CNIH3: variants seen among roughly 807,000 people sequenced by gnomAD.
CNIH3 encodes cornichon family AMPA receptor auxiliary protein 3.
In CNIH3, 14 loss-of-function variants were observed where a neutral mutation model predicts 24.1. The ratio of observed to expected loss-of-function variants is 0.58; its 90% confidence interval spans 0.38 to 0.91. CNIH3 has a LOEUF of 0.91. Ranked by LOEUF, CNIH3 falls within the 40% of genes least tolerant of loss-of-function variation. CNIH3 has a pLI of 0.00. For missense variants in CNIH3, 178 were observed against 196.8 expected (o/e 0.90, Z 0.57); for synonymous variants, 68 against 73.8 (o/e 0.92, Z 0.40).
At chr1:224,687,255 T>C (rs568639884) in intron 3 of CNIH3, among the ~76,000 whole-genome samples, 18 of 152,314 alleles carry the variant, frequency 1.2e-4, no homozygotes, top group African/African-American at 4.3e-4. Context: ...TTATTTGAGA[T>C]AGGGTCTTCT....
chr1:224,468,307 A>G (rs1676230466), intron 1 of CNIH3, among the ~76,000 whole-genome samples: 1 of 84,380 alleles, frequency 1.2e-5, no homozygotes, highest in Non-Finnish European at 2.6e-5. Context: ...TTTCTAAGTC[A>G]TAAACACAGT....
downstream of CNIH3, among the ~76,000 whole-genome samples, chr1:224,592,655 T>A (rs1482366139): frequency 6.6e-6 from 1 of 152,212 alleles, no homozygotes; most frequent in African/African-American, 2.4e-5. Flanking sequence ...AGAGTTATCA[T>A]GCCCAGCCCT....
intron 1 of CNIH3, among the ~76,000 whole-genome samples, chr1:224,455,487 TC>T (rs1210699390): frequency 6.6e-6 from 1 of 152,172 alleles, no homozygotes; most frequent in African/African-American, 2.4e-5. Context: ...TTTGGAATGT[TC>T]TTTGACTTAC....
At chr1:224,572,219 A>G (rs757940819) in intron 4 of CNIH3, among the ~76,000 whole-genome samples, 4 of 152,144 alleles carry the variant, frequency 2.6e-5, no homozygotes, top group African/African-American at 2.4e-5. Flanking sequence ...GCAACATAGA[A>G]TTATAAGAAT....
chr1:224,712,104 C>T (rs773660808), intron 3 of CNIH3, among the ~76,000 whole-genome samples: 2 of 152,174 alleles, frequency 1.3e-5, no homozygotes, highest in South Asian at 2.1e-4. Context: ...CATATCTTCC[C>T]TGGATGATAA....
intron 1 of CNIH3, among the ~76,000 whole-genome samples, chr1:224,677,333 A>C (rs1686187375): frequency 6.6e-6 from 1 of 152,184 alleles, no homozygotes; most frequent in Admixed American, 6.5e-5. Context: ...CTTCCCCTCT[A>C]GACTAGGAAG....
intron 3 of CNIH3, among the ~76,000 whole-genome samples, chr1:224,598,707 A>G (rs552278681): frequency 6.6e-6 from 1 of 152,376 alleles, no homozygotes; most frequent in African/African-American, 2.4e-5. Context: ...CAGCAAAAAG[A>G]TTAAGACTTG....
intron 1 of CNIH3, among the ~76,000 whole-genome samples, chr1:224,471,841 C>T (rs1471611496): frequency 3.3e-5 from 5 of 152,106 alleles, no homozygotes; most frequent in East Asian, 1.9e-4. Context: ...CCACCGGCCT[C>T]GGCCTCCCAA....
intron 4 of CNIH3, among the ~76,000 whole-genome samples, chr1:224,578,107 T>G (rs1241728693): frequency 6.6e-6 from 1 of 151,938 alleles, no homozygotes. Flanking sequence ...ATCTCAGAAA[T>G]CACTACTAAA....
At chr1:224,515,855 C>T (rs771788050), upstream of CNIH3, 2 of 152,174 alleles carry the variant, frequency 1.3e-5, no homozygotes, top group Non-Finnish European at 2.9e-5. Flanking sequence ...CTTGTGGTCA[C>T]TGATGAGTGG....
chr1:224,445,288 C>A (rs2102953097), intron 1 of CNIH3, among the ~76,000 whole-genome samples: 1 of 151,734 alleles, frequency 6.6e-6, no homozygotes, highest in Admixed American at 6.6e-5. Flanking sequence ...GATTGTGTTG[C>A]CTTTTGGCCG....
intron 1 of CNIH3, among the ~76,000 whole-genome samples, chr1:224,680,129 G>A (rs1028070402): frequency 2.0e-5 from 3 of 152,060 alleles, no homozygotes; most frequent in African/African-American, 7.2e-5. Flanking sequence ...ACTTTACTGG[G>A]AGCACCCAAG....
chr1:224,447,053 C>T (rs1157716473), intron 1 of CNIH3, among the ~76,000 whole-genome samples: 6 of 151,978 alleles, frequency 3.9e-5, no homozygotes, highest in African/African-American at 7.3e-5. Flanking sequence ...AGGGTTCTCC[C>T]GAGAGACAGA....
At chr1:224,538,211 A>C (rs1166317333), downstream of CNIH3, among the ~76,000 whole-genome samples, 1 of 152,128 alleles carries the variant, frequency 6.6e-6, no homozygotes, top group Non-Finnish European at 1.5e-5. Flanking sequence ...AGCCTCCCAA[A>C]GTGCTAGGAT....
chr1:224,716,964 G>T (rs529273148), intron 3 of CNIH3, among the ~76,000 whole-genome samples: 1 of 152,318 alleles, frequency 6.6e-6, no homozygotes, highest in South Asian at 2.1e-4. Flanking sequence ...GGGACATCAG[G>T]AGCTGCAGAG....
intron 1 of CNIH3, among the ~76,000 whole-genome samples, chr1:224,672,821 A>T (rs898139793): frequency 6.6e-6 from 1 of 152,174 alleles, no homozygotes; most frequent in African/African-American, 2.4e-5. Context: ...CCCTAATACA[A>T]ATAGGAGTAT....
intron 1 of CNIH3, among the ~76,000 whole-genome samples, chr1:224,446,367 C>A (rs1675166810): frequency 6.6e-6 from 1 of 152,046 alleles, no homozygotes; most frequent in Non-Finnish European, 1.5e-5. Flanking sequence ...GAACAGACAT[C>A]TTTATAACAT....
rs11437581 is a variant in CNIH3, at chr1:224,711,794, C to CAA, written c.199-18645_199-18644dup. Among the ~76,000 whole-genome samples, 402 of 65,470 alleles carry CAA rather than the reference C, an allele frequency of 6.1e-3. 13 individuals are homozygous for CAA. Among genetic ancestry groups the CAA allele is most frequent in the African/African-American group, 0.014 (234 of 16,186 alleles). 43.0% of individuals were successfully genotyped at this position (65,470 alleles called of 152,430 possible). On this transcript the variant is annotated intron_variant, in intron 3 of 5. Transcript: ENST00000272133. ...TGGGTGACAGAGCCAGACCCTGTCT[C>CAA]AAAAAAAAAAAAAAAAAAAAAAAAG...
intron 4 of CNIH3, among the ~76,000 whole-genome samples, chr1:224,734,206 T>G (rs1465341104): frequency 1.3e-5 from 2 of 152,222 alleles, no homozygotes; most frequent in East Asian, 1.9e-4. Flanking sequence ...GGAGGTATGG[T>G]GGCATCCCAG....
Sources: allele counts gnomAD v4.1 joint callset (sites outside exome capture counted in the v4.1 genomes callset), GRCh38; gene constraint gnomAD v4.1.1; transcripts MANE v1.5; gene names NCBI Gene and HGNC (gene_info 2026-07-23, HGNC 2026-07-21).